Variants in CNTN5 observed in about 807,000 individuals in gnomAD.
The protein encoded by CNTN5 is contactin-5.
CNTN5 carries 77 observed loss-of-function variants against 129.1 expected under a neutral mutation model. The ratio of observed to expected loss-of-function variants is 0.60; its 90% CI spans 0.50 to 0.72. The LOEUF (loss-of-function observed/expected upper bound fraction) is 0.72. Ranked by LOEUF, CNTN5 falls within the 30% of genes least tolerant of loss-of-function variation. CNTN5 has a pLI of 0.00. For missense variants in CNTN5, 1,478 were observed against 1,328.8 expected (o/e 1.11, Z -1.75); for synonymous variants, 509 against 465.6 (o/e 1.09, Z -1.20).
At chr11:99,113,261 G>C (rs1003824481) in intron 1 of CNTN5, among the ~76,000 whole-genome samples, 1 of 151,876 alleles carries the variant, frequency 6.6e-6, no homozygotes, top group Non-Finnish European at 1.5e-5. Flanking sequence ...ACATCTCCAC[G>C]CACTTATCAC....
Position 100,074,126 on chromosome 11 carries a change from C to A in CNTN5, c.1430-18C>A. 6.2e-7 allele frequency: 1 copy of A among 1,602,574 alleles called. No individual in the cohort carries two copies. Among genetic ancestry groups the A allele is most frequent in the Non-Finnish European group, 8.5e-7 (1 of 1,175,454 alleles). On this transcript the variant is annotated intron_variant, in intron 12 of 24. Coordinates refer to ENST00000524871, the MANE Select transcript of CNTN5 (RefSeq NM_014361.4). ...TGTCATTGCTTCTGGTAGAAACTAA[C>A]ATTTGCTTTTTTAATAGCTTCAGCT...
chr11:99,471,065 C>G (rs2135274330), intron 2 of CNTN5, among the ~76,000 whole-genome samples: 1 of 151,752 alleles, frequency 6.6e-6, no homozygotes, highest in South Asian at 2.1e-4. Flanking sequence ...GCTGAAATTG[C>G]AGAGAGCACC....
At chr11:100,214,725 G>A (rs1949104606) in intron 15 of CNTN5, among the ~76,000 whole-genome samples, 1 of 152,144 alleles carries the variant, frequency 6.6e-6, no homozygotes, top group East Asian at 1.9e-4. Context: ...AACGTCAAGT[G>A]TTTTGGCTTT....
At chr11:99,137,228 T>C (rs766080827) in intron 1 of CNTN5, among the ~76,000 whole-genome samples, 26 of 152,182 alleles carry the variant, frequency 1.7e-4, no homozygotes, top group Admixed American at 1.3e-4. Flanking sequence ...ACACTAATAA[T>C]TTAACATCTC....
At chr11:99,830,270 G>T (rs1472612730) in intron 4 of CNTN5, among the ~76,000 whole-genome samples, 1 of 152,000 alleles carries the variant, frequency 6.6e-6, no homozygotes, top group African/African-American at 2.4e-5. Flanking sequence ...TCCCTCAATG[G>T]TAAACACAAT....
At chr11:99,666,656 G>A (rs919441105) in intron 3 of CNTN5, among the ~76,000 whole-genome samples, 4 of 152,092 alleles carry the variant, frequency 2.6e-5, no homozygotes, top group Admixed American at 6.5e-5. Flanking sequence ...GGAGACAGCC[G>A]CAATGGCATG....
intron 1 of CNTN5, among the ~76,000 whole-genome samples, chr11:99,239,997 T>C (rs1319512748): frequency 6.6e-6 from 1 of 152,084 alleles, no homozygotes; most frequent in African/African-American, 2.4e-5. Flanking sequence ...TTTTATGTAA[T>C]TCCTAATTGG....
At chr11:99,829,020 C>A (rs1026181300) in intron 4 of CNTN5, among the ~76,000 whole-genome samples, 2 of 151,956 alleles carry the variant, frequency 1.3e-5, no homozygotes, top group African/African-American at 2.4e-5. Flanking sequence ...AAAAGCTATT[C>A]CATTTAGAGC....
At chr11:99,781,441 C>T (rs1945306733) in intron 3 of CNTN5, among the ~76,000 whole-genome samples, 1 of 151,970 alleles carries the variant, frequency 6.6e-6, no homozygotes, top group African/African-American at 2.4e-5. Flanking sequence ...TGGCCAAGCT[C>T]CTCTCATACT....
chr11:99,335,512 A>G (rs1866183745), intron 2 of CNTN5, among the ~76,000 whole-genome samples: 1 of 151,956 alleles, frequency 6.6e-6, no homozygotes, highest in South Asian at 2.1e-4. Context: ...AGCAAGCAGA[A>G]GTGAGAGGGT....
At chr11:99,960,385 C>T (rs930678667) in intron 8 of CNTN5, among the ~76,000 whole-genome samples, 1 of 151,890 alleles carries the variant, frequency 6.6e-6, no homozygotes, top group Admixed American at 6.6e-5. Flanking sequence ...TGTATTTTGG[C>T]AATTCTGTGC....
chr11:99,845,180 A>T lies in CNTN5; in HGVS notation c.495A>T (p.Ala165=). 2 of 1,613,700 alleles carry T rather than the reference A, an allele frequency of 1.2e-6. No homozygotes were observed. The highest frequency in any genetic ancestry group is 1.7e-6 in the Non-Finnish European group (2 of 1,179,758). The change falls in exon 6 of 25, where the codon GCA becomes GCT. Residue 165 remains alanine (A), a synonymous_variant. Transcript: ENST00000524871. ...GTFIISNPSE[A]KDSGHYQCLA... ...TCATTATAAGCAATCCAAGTGAAGC[A>T]AAGGATTCTGGTCATTATCAGTGTT...
At chr11:100,228,118 A>C (rs1207161378) in intron 16 of CNTN5, among the ~76,000 whole-genome samples, 1 of 152,214 alleles carries the variant, frequency 6.6e-6, no homozygotes, top group Non-Finnish European at 1.5e-5. Flanking sequence ...TATTCAGAAG[A>C]AGTGATAAAA....
chr11:99,906,630 G>A (rs1390470438), intron 6 of CNTN5, among the ~76,000 whole-genome samples: 1 of 152,080 alleles, frequency 6.6e-6, no homozygotes, highest in Non-Finnish European at 1.5e-5. Flanking sequence ...TCTCTACCAG[G>A]TTTTGGTATC....
At chr11:99,802,122 T>C (rs1208683144) in intron 3 of CNTN5, among the ~76,000 whole-genome samples, 4 of 152,244 alleles carry the variant, frequency 2.6e-5, no homozygotes, top group African/African-American at 7.2e-5. Context: ...GTAGAGAATA[T>C]TGAGTAGAAT....
At chr11:100,136,459 C>T (rs1168211877) in intron 13 of CNTN5, among the ~76,000 whole-genome samples, 1 of 151,936 alleles carries the variant, frequency 6.6e-6, no homozygotes, top group African/African-American at 2.4e-5. Flanking sequence ...CTCTATTTCC[C>T]TTGAAGATTA....
chr11:99,825,902 A>G (rs947658090), intron 4 of CNTN5, among the ~76,000 whole-genome samples: 1 of 152,130 alleles, frequency 6.6e-6, no homozygotes, highest in Non-Finnish European at 1.5e-5. Flanking sequence ...AGAAAATATA[A>G]TATAGAAATG....
At position 100,340,620 on chromosome 11, in the gene CNTN5, G is replaced by A. The variant is rs1463672111; in HGVS notation, c.2888G>A (p.Ser963Asn). The A allele has an allele frequency of 6.2e-7, 1 of 1,607,590 alleles. No individual in the cohort carries two copies. The highest frequency in any genetic ancestry group is 1.7e-5 in the Admixed American group (1 of 58,488). Residue 963 changes from serine to asparagine, a missense_variant, in exon 22 of 25, where the codon AGT becomes AAT. Ser to Asn is a conservative substitution (Grantham distance 46). Transcript: ENST00000524871. ...GGAGCTGGATATGGGCCACCTAGCA[G>A]TGAAGTGAGTGCAACCACCAAGAAA... ...YNGAGYGPPS[S>N]EVSATTKKSP...
chr11:100,213,294 TTAAATA>T (rs1275983840), intron 15 of CNTN5, among the ~76,000 whole-genome samples: 1 of 152,156 alleles, frequency 6.6e-6, no homozygotes, highest in Non-Finnish European at 1.5e-5. Context: ...TGAAAGTCTT[TTAAATA>T]TAATTCTAAA....
Sources: allele counts gnomAD v4.1 joint callset (sites outside exome capture counted in the v4.1 genomes callset), GRCh38; gene constraint gnomAD v4.1.1; transcripts MANE v1.5; gene names NCBI Gene and HGNC (gene_info 2026-07-23, HGNC 2026-07-21).